Variants in RBMS3 observed in about 807,000 individuals in gnomAD.
RBMS3 encodes the protein RNA-binding motif, single-stranded-interacting protein 3.
RBMS3 carries 27 observed loss-of-function variants against 66.8 expected under a neutral mutation model. The ratio of observed to expected loss-of-function variants is 0.40; its 90% confidence interval spans 0.30 to 0.56. The LOEUF is 0.56. RBMS3 is among the 20% of genes least tolerant of loss of function. The pLI is 0.40. For synonymous variants in RBMS3, 188 were observed against 183.0 expected (o/e 1.03, Z -0.22); for missense variants, 513 against 549.5 (o/e 0.93, Z 0.66).
chr3:29,481,552 G>A (rs369978023), intron 2 of RBMS3, among the ~76,000 whole-genome samples: 9 of 152,114 alleles, frequency 5.9e-5, no homozygotes, highest in East Asian at 1.9e-4. Flanking sequence ...GAAGTAGAGC[G>A]GTGGATCCTG....
At chr3:29,423,007 G>A (rs911003921) in intron 1 of RBMS3, among the ~76,000 whole-genome samples, 15 of 152,170 alleles carry the variant, frequency 9.9e-5, no homozygotes, top group South Asian at 2.1e-4. Flanking sequence ...ATAGGTTATC[G>A]TTTATGAAAT....
chr3:29,726,978 A>G lies in RBMS3; in HGVS notation c.400-12742A>G, dbSNP rs570510577. The stretch of plus-strand genomic sequence containing the variant: ...CGACTTTAAACTACACTACAAGGCT[A>G]CAGTAACCAAAACAACATGGTACTG... On this transcript the variant is annotated intron_variant, in intron 4 of 14. Coordinates refer to ENST00000383767, the MANE Select transcript of RBMS3 (RefSeq NM_001003793.3). Among the ~76,000 whole-genome samples the G allele has an allele frequency of 7.9e-5, 12 of 152,336 alleles. No individual in the cohort carries two copies. The East Asian group carries it at 2.1e-3, about 27-fold the overall frequency.
chr3:29,688,108 G>A (rs1428533747), intron 4 of RBMS3, among the ~76,000 whole-genome samples: 1 of 152,040 alleles, frequency 6.6e-6, no homozygotes, highest in Non-Finnish European at 1.5e-5. Flanking sequence ...GCAAGAGCTA[G>A]CTTTCTCATC....
At chr3:29,577,472 C>G (rs1206724059) in intron 3 of RBMS3, among the ~76,000 whole-genome samples, 1 of 152,176 alleles carries the variant, frequency 6.6e-6, no homozygotes, top group Non-Finnish European at 1.5e-5. Flanking sequence ...CAGTCCAGCA[C>G]TAGGAGTTGC....
At chr3:29,696,890 A>T in intron 4 of RBMS3, 3 of 915,502 alleles carry the variant, frequency 3.3e-6, no homozygotes, top group South Asian at 5.0e-5. Flanking sequence ...TAGGTTATTT[A>T]TACACCAACC....
intron 1 of RBMS3, among the ~76,000 whole-genome samples, chr3:29,317,815 C>T (rs2125482645): frequency 6.6e-6 from 1 of 151,784 alleles, no homozygotes; most frequent in East Asian, 1.9e-4. Context: ...TTTCTTCTTA[C>T]AAGACTACAC....
At chr3:29,952,093 G>A (rs1421634243) in intron 12 of RBMS3, among the ~76,000 whole-genome samples, 1 of 151,802 alleles carries the variant, frequency 6.6e-6, no homozygotes, top group East Asian at 1.9e-4. Flanking sequence ...ACATGACTGT[G>A]TGAAAATGAA....
intron 1 of RBMS3, among the ~76,000 whole-genome samples, chr3:29,382,155 G>A (rs1370119478): frequency 1.3e-5 from 2 of 152,104 alleles, no homozygotes; most frequent in Non-Finnish European, 2.9e-5. Context: ...CTACAAACAA[G>A]GCAAACATGG....
At chr3:29,994,399 C>A (rs992028555) in intron 14 of RBMS3, among the ~76,000 whole-genome samples, 1 of 151,926 alleles carries the variant, frequency 6.6e-6, no homozygotes, top group Admixed American at 6.6e-5. Flanking sequence ...ACAAAGCATC[C>A]CGGAAGCTCC....
intron 6 of RBMS3, among the ~76,000 whole-genome samples, chr3:29,834,043 C>G (rs894342716): frequency 6.6e-6 from 1 of 152,016 alleles, no homozygotes; most frequent in African/African-American, 2.4e-5. Flanking sequence ...ATGATGTAGT[C>G]AAAGTGCTGG....
chr3:29,945,031 AAG>A (rs1695207743), intron 12 of RBMS3, among the ~76,000 whole-genome samples: 1 of 151,734 alleles, frequency 6.6e-6, no homozygotes, highest in Admixed American at 6.6e-5. Context: ...ATTTATTGCA[AAG>A]AGAAAAATGG....
intron 7 of RBMS3, among the ~76,000 whole-genome samples, chr3:29,876,089 A>T (rs894268294): frequency 1.3e-5 from 2 of 152,062 alleles, no homozygotes; most frequent in African/African-American, 4.8e-5. Context: ...TTTTTGAAAA[A>T]CTTCTTGAAG....
intron 1 of RBMS3, among the ~76,000 whole-genome samples, chr3:29,321,860 T>C (rs896327219): frequency 6.6e-6 from 1 of 152,148 alleles, no homozygotes; most frequent in African/African-American, 2.4e-5. Context: ...CTGAGTGCTG[T>C]GCATGCTCAC....
At chr3:29,320,497 A>T (rs2034943801) in intron 1 of RBMS3, among the ~76,000 whole-genome samples, 1 of 152,096 alleles carries the variant, frequency 6.6e-6, no homozygotes, top group Non-Finnish European at 1.5e-5. Flanking sequence ...GGAGAAATTC[A>T]TACTATCACA....
intron 1 of RBMS3, among the ~76,000 whole-genome samples, chr3:29,431,491 C>T (rs1038153664): frequency 6.6e-6 from 1 of 151,894 alleles, no homozygotes; most frequent in Non-Finnish European, 1.5e-5. Context: ...TGGGGTTTCA[C>T]TATGTTGGCC....
intron 4 of RBMS3, among the ~76,000 whole-genome samples, chr3:29,628,136 C>T (rs62234861): frequency 0.072 from 10,996 of 152,144 alleles, 741 homozygotes; most frequent in East Asian, 0.35. Flanking sequence ...GGGAGTGATA[C>T]ATCTGTTATG....
intron 4 of RBMS3, among the ~76,000 whole-genome samples, chr3:29,718,105 T>G (rs57626365): frequency 6.6e-6 from 1 of 151,792 alleles, no homozygotes; most frequent in Non-Finnish European, 1.5e-5. Flanking sequence ...TTTTTCCTGA[T>G]GTTTTTCATT....
chr3:29,313,629 G>A (rs2034507438), intron 1 of RBMS3, among the ~76,000 whole-genome samples: 1 of 151,534 alleles, frequency 6.6e-6, no homozygotes, highest in Admixed American at 6.6e-5. Context: ...TTTCCCCTCA[G>A]AAATCCTAAA....
At chr3:29,593,165 A>T (rs540226503) in intron 4 of RBMS3, among the ~76,000 whole-genome samples, 1 of 145,104 alleles carries the variant, frequency 6.9e-6, no homozygotes, top group Non-Finnish European at 1.5e-5. Context: ...AAAGTATAAT[A>T]AAAAAAGGAA....
Sources: gnomAD v4.1 joint callset for allele counts (sites outside exome capture counted in the v4.1 genomes callset) on GRCh38, gnomAD v4.1.1 for gene constraint, MANE v1.5 for transcripts, NCBI Gene and HGNC (gene_info 2026-07-23, HGNC 2026-07-21) for gene names.